The following FRAS1 variants were observed in gnomAD, a reference collection of about 807,000 sequenced individuals.
The protein encoded by FRAS1 is extracellular matrix organizing protein FRAS1.
A neutral mutation model predicts 435.2 loss-of-function variants in FRAS1; 290 were observed. The observed-to-expected ratio is 0.67, with a 90% CI of 0.61 to 0.73. FRAS1 has a LOEUF of 0.73. FRAS1 is among the 30% of genes least tolerant of loss of function. The pLI is 0.00. For missense variants in FRAS1, 4,860 were observed against 5,001.5 expected (o/e 0.97, Z 0.85); for synonymous variants, 1,800 against 1,851.0 (o/e 0.97, Z 0.71).
intron 2 of FRAS1, among the ~76,000 whole-genome samples, chr4:78,077,212 AC>A (rs1740679364): frequency 6.6e-6 from 1 of 151,878 alleles, no homozygotes; most frequent in African/African-American, 2.4e-5. Context: ...ACACACACAC[AC>A]ACACACATTA....
At chr4:78,310,990 A>G (rs967821750) in intron 15 of FRAS1, among the ~76,000 whole-genome samples, 4 of 152,188 alleles carry the variant, frequency 2.6e-5, no homozygotes, top group Admixed American at 2.6e-4. Context: ...CACCTGTGGT[A>G]CGTGTATTGC....
chr4:78,538,666 A>G (rs1721957121), intron 72 of FRAS1, among the ~76,000 whole-genome samples: 1 of 152,160 alleles, frequency 6.6e-6, no homozygotes, highest in Non-Finnish European at 1.5e-5. Context: ...TTAAAAAACC[A>G]TCAGAGGTCC....
chr4:78,512,231 A>G (rs957572164), intron 64 of FRAS1, among the ~76,000 whole-genome samples: 7 of 152,234 alleles, frequency 4.6e-5, no homozygotes, highest in South Asian at 2.1e-4. Context: ...ATTAAACACT[A>G]TAGTATTTAA....
chr4:78,215,115 T>C (rs72862171), intron 2 of FRAS1, among the ~76,000 whole-genome samples: 155 of 152,290 alleles, frequency 1.0e-3, no homozygotes, highest in African/African-American at 1.4e-3. Context: ...TTGACGCTGG[T>C]CTATAAAATG....
intron 24 of FRAS1, among the ~76,000 whole-genome samples, chr4:78,373,231 C>T (rs1252472405): frequency 6.6e-6 from 1 of 151,968 alleles, no homozygotes; most frequent in African/African-American, 2.4e-5. Flanking sequence ...TATCTGCCCC[C>T]TTCAACCCTC....
At chr4:78,266,687 T>C (rs1726374716) in intron 7 of FRAS1, 147 bp from the exon 8 acceptor site, 2 of 654,906 alleles carry the variant, frequency 3.1e-6, no homozygotes, top group Non-Finnish European at 5.4e-6. Context: ...AGGCTATTCC[T>C]ATCTAAATGT....
In FRAS1 at chr4:78,076,629, T is replaced by C. The variant is rs935746782; in HGVS notation, c.108+10613T>C. Among the ~76,000 whole-genome samples the C allele has an allele frequency of 2.0e-5, 3 of 152,310 alleles. No homozygotes were observed. The South Asian group carries it at 6.2e-4, about 32-fold the overall frequency. ...TGTATCAATTCCTACATCTAAAATATATTTTTTAAAAGAAAGATTAAGTGT... is the reference window on the plus strand; with the variant it reads ...TGTATCAATTCCTACATCTAAAATACATTTTTTAAAAGAAAGATTAAGTGT... On this transcript the variant is annotated intron_variant, in intron 2 of 73. Coordinates refer to ENST00000512123, the MANE Select transcript of FRAS1 (RefSeq NM_025074.7).
chr4:78,209,327 C>A (rs1723406456), intron 2 of FRAS1, among the ~76,000 whole-genome samples: 1 of 152,160 alleles, frequency 6.6e-6, no homozygotes, highest in Non-Finnish European at 1.5e-5. Flanking sequence ...GTTGCATGCA[C>A]TGGTGGGCCC....
intron 70 of FRAS1, 103 bp from the exon 71 acceptor site, chr4:78,534,346 C>A (rs1043849792): frequency 1.1e-6 from 1 of 872,582 alleles, no homozygotes; most frequent in African/African-American, 1.7e-5. Flanking sequence ...CAACAAAGCT[C>A]TGTGTACAAT....
intron 56 of FRAS1, among the ~76,000 whole-genome samples, chr4:78,480,395 A>G (rs1443397693): frequency 6.6e-6 from 1 of 152,154 alleles, no homozygotes. Flanking sequence ...GAGGTCATGG[A>G]GATAGAGTGT....
intron 2 of FRAS1, among the ~76,000 whole-genome samples, chr4:78,115,025 A>C (rs1270486608): frequency 6.6e-6 from 1 of 152,036 alleles, no homozygotes; most frequent in Non-Finnish European, 1.5e-5. Context: ...ATTTATTGAG[A>C]GTTTTTAGCA....
chr4:78,078,716 C>T (rs989330059), intron 2 of FRAS1, among the ~76,000 whole-genome samples: 93 of 151,770 alleles, frequency 6.1e-4, no homozygotes, highest in Non-Finnish European at 9.6e-4. Context: ...ATTTAAGAAA[C>T]CACCAAATGT....
chr4:78,177,022 G>T (rs570667864), intron 2 of FRAS1, among the ~76,000 whole-genome samples: 1 of 151,998 alleles, frequency 6.6e-6, no homozygotes, highest in Non-Finnish European at 1.5e-5. Context: ...CAATAGGCAG[G>T]TTACACACCT....
intron 2 of FRAS1, among the ~76,000 whole-genome samples, chr4:78,168,049 C>A (rs1458361315): frequency 6.6e-6 from 1 of 150,744 alleles, no homozygotes; most frequent in Admixed American, 6.6e-5. Context: ...AAAGGGAGTA[C>A]CAGTTCAAAA....
At chr4:78,210,765 A>G (rs1408032943) in intron 2 of FRAS1, among the ~76,000 whole-genome samples, 3 of 152,206 alleles carry the variant, frequency 2.0e-5, no homozygotes, top group Non-Finnish European at 4.4e-5. Context: ...TATCTATACA[A>G]TCATCACAGA....
At chr4:78,160,448 C>T (rs1195072377) in intron 2 of FRAS1, among the ~76,000 whole-genome samples, 1 of 152,160 alleles carries the variant, frequency 6.6e-6, no homozygotes, top group African/African-American at 2.4e-5. Flanking sequence ...CGTTTGGAAA[C>T]GTTAGCCTGT....
chr4:78,401,181 A>G (rs771165156), intron 30 of FRAS1, among the ~76,000 whole-genome samples: 17 of 152,246 alleles, frequency 1.1e-4, no homozygotes, highest in Non-Finnish European at 2.2e-4. Flanking sequence ...AAGTCACTTA[A>G]CTAATATACG....
In FRAS1 at chr4:78,472,259, C is replaced by T. The variant is rs200888184; in HGVS notation, c.7451C>T (p.Thr2484Met). 4.5e-4 allele frequency: 729 copies of T among 1,613,580 alleles called. 1 individual carries two copies. Among genetic ancestry groups the T allele is most frequent in the Non-Finnish European group, 5.7e-4 (672 of 1,179,740 alleles). Residue 2484 changes from threonine (T) to methionine (M), a missense_variant, in exon 52 of 74, where the codon ACG (threonine) becomes ATG (methionine). Coordinates refer to ENST00000512123, the MANE Select transcript of FRAS1 (RefSeq NM_025074.7). ...TEDAQLVYEI[T>M]TGPKHGFVEN... ...GACGCGCAGCTTGTCTATGAGATAA[C>T]GACGGGCCCTAAGCATGGCTTTGTG...
At chr4:78,489,141 T>C (rs1720266109) in intron 59 of FRAS1, 61 bp downstream of exon 59, 2 of 1,491,490 alleles carry the variant, frequency 1.3e-6, no homozygotes, top group Admixed American at 3.8e-5. Context: ...TTGTCTGTAA[T>C]GAAGTCATTT....
Sources: allele counts gnomAD v4.1 joint callset (sites outside exome capture counted in the v4.1 genomes callset), GRCh38; gene constraint gnomAD v4.1.1; transcripts MANE v1.5; gene names NCBI Gene and HGNC (gene_info 2026-07-23, HGNC 2026-07-21).